Variants in GHDC observed in about 807,000 individuals in gnomAD.
The protein encoded by GHDC is GH3 domain-containing protein.
Under a neutral mutation model 51.5 loss-of-function variants are expected in GHDC, and 39 were observed. The observed-to-expected ratio is 0.76, with a 90% confidence interval of 0.59 to 0.99. The LOEUF (loss-of-function observed/expected upper bound fraction) is 0.99, where lower values mean the gene tolerates loss of function less well. GHDC is among the 50% of genes least tolerant of loss of function. The probability of loss-of-function intolerance (pLI) is 0.00; values close to 1 mark genes in which losing one functional copy is unlikely to be tolerated. For synonymous variants in GHDC, 282 were observed against 305.2 expected (o/e 0.92, Z 0.79); for missense variants, 610 against 672.8 (o/e 0.91, Z 1.03).
At position 42,193,827 on chromosome 17, in the gene GHDC, C is replaced by T; in HGVS notation, c.-74G>A. Reference sequence around the variant, plus strand: ...GTAGGGCCCTGAGCAATTTAGTGGGCTGCACTGAGCTCTGTTTCCTGATCT... The same window carrying T: ...GTAGGGCCCTGAGCAATTTAGTGGGTTGCACTGAGCTCTGTTTCCTGATCT... On this transcript the variant is annotated 5_prime_UTR_variant, in exon 2 of 10. Coordinates refer to ENST00000587427, the MANE Select transcript of GHDC (RefSeq NM_032484.5). The T allele has an allele frequency of 1.8e-6, 1 of 543,744 alleles. No homozygotes were observed. The highest frequency in any genetic ancestry group is 3.2e-6 in the Non-Finnish European group (1 of 309,060). 33.7% of individuals were successfully genotyped at this position (543,744 alleles called of 1,614,324 possible). A position where few individuals can be genotyped will look rare whatever the true frequency, so the allele number is the denominator to read the frequency against.
At position 42,189,865 on chromosome 17, in the gene GHDC, G is replaced by GA. The variant is rs2079954363; in HGVS notation, c.1430_1431insT (p.Ser478GlnfsTer96). 6.4e-7 allele frequency: 1 copy of GA among 1,561,912 alleles called. No homozygotes were observed. Among genetic ancestry groups the GA allele is most frequent in the Non-Finnish European group, 8.7e-7 (1 of 1,154,154 alleles). ...GGTGGACTCTGGCAGGGCCCACGCT[G>GA]CCCCAGAACCGCAGGGACTTGTAGC... On this transcript the variant is annotated frameshift_variant, in exon 10 of 10. Coordinates refer to ENST00000587427, the MANE Select transcript of GHDC (RefSeq NM_032484.5). LOFTEE classifies it high-confidence loss of function.
rs2079965001 is a variant in GHDC at position 42,191,063 on chromosome 17, C to T, written c.1037G>A (p.Gly346Asp). Residue 346 changes from glycine (G) to aspartate (D), a missense_variant, in exon 6 of 10, where the codon GGC (glycine) becomes GAC (aspartate). Transcript: ENST00000587427. Reference protein sequence around the residue: ...STLLLAEAQQGKEYELVLTDR... With the variant: ...STLLLAEAQQDKEYELVLTDR... ...CGTCAGCACCAGCTCATACTCCTTG[C>T]CCTGCTGGGCCTCGGCCAAAAGGAG... 2 of 1,583,246 alleles carry T rather than the reference C, an allele frequency of 1.3e-6. No individual in the cohort carries two copies. The highest frequency in any genetic ancestry group is 1.7e-6 in the Non-Finnish European group (2 of 1,166,016).
In GHDC at chr17:42,193,353, C is replaced by T. The variant is rs1383134055; in HGVS notation, c.229G>A (p.Ala77Thr). ...QQALRWCLQG[A>T]QRPHCSLRRS... is the part of the protein sequence containing the mutation. ...CTGAGGGAACAGTGGGGGCGCTGGG[C>T]TCCCTGTAGACACCACCTCAGGGCC... The change falls in exon 3 of 10, where the codon GCC becomes ACC. Residue 77 changes from alanine (A) to threonine (T), a missense_variant. Transcript: ENST00000587427. The T allele has an allele frequency of 1.2e-6, 2 of 1,606,594 alleles. No homozygotes were observed. The highest frequency in any genetic ancestry group is 2.2e-5 in the South Asian group (2 of 89,404).
chr17:42,193,642 A>G (rs1231099344), intron 2 of GHDC, 48 bp from the exon 3 acceptor site: 18 of 1,483,472 alleles, frequency 1.2e-5, no homozygotes, highest in Non-Finnish European at 1.3e-5. Flanking sequence ...GCAATTATCC[A>G]TTTCTCCTCC....
intron 8 of GHDC, 61 bp downstream of exon 8, chr17:42,190,563 G>A: frequency 6.4e-7 from 1 of 1,560,498 alleles, no homozygotes; most frequent in Non-Finnish European, 8.7e-7. Flanking sequence ...CCCCTGGCAG[G>A]GGAGGTAGGA....
chr17:42,192,122 T>C (rs946055685), intron 5 of GHDC, 119 bp downstream of exon 5: 25 of 1,311,102 alleles, frequency 1.9e-5, no homozygotes, highest in Non-Finnish European at 2.4e-5. Flanking sequence ...CTGCTGGCCC[T>C]AGCATGCAGC....
rs1015023785 is a variant in GHDC at position 42,194,383 on chromosome 17, C to T, written c.-98+10G>A. On this transcript the variant is annotated intron_variant, in intron 1 of 9. Transcript: ENST00000587427. ...GAGCCCCAGGCTGTGGGGTCCATGC[C>T]CACATGCACCTGTCACAGCCCACTT... The T allele has an allele frequency of 1.3e-5, 2 of 152,374 alleles. No individual in the cohort carries two copies. Among genetic ancestry groups the T allele is most frequent in the African/African-American group, 4.8e-5 (2 of 41,398 alleles). 9.4% of individuals were successfully genotyped at this position (152,374 alleles called of 1,614,324 possible).
At chr17:42,191,271 A>G in intron 5 of GHDC, 61 bp from the exon 6 acceptor site, 1 of 1,432,662 alleles carries the variant, frequency 7.0e-7, no homozygotes, top group Non-Finnish European at 9.2e-7. Context: ...GCCAGGCAAT[A>G]GCCCCTCCTG....
chr17:42,190,419 C>T (rs2079959052), intron 8 of GHDC, 149 bp from the exon 9 acceptor site: 5 of 1,518,800 alleles, frequency 3.3e-6, no homozygotes, highest in Non-Finnish European at 3.5e-6. Context: ...GGAGAGGAAC[C>T]TAGAGCTTGA....
chr17:42,192,545 C>G lies in GHDC; in HGVS notation c.585G>C (p.Leu195=). 1 of 1,613,814 alleles carries G rather than the reference C, an allele frequency of 6.2e-7. No individual in the cohort carries two copies. Among genetic ancestry groups the G allele is most frequent in the East Asian group, 2.2e-5 (1 of 44,884 alleles). The change falls in exon 5 of 10, where the codon CTG becomes CTC. Residue 195 remains leucine (L), a synonymous_variant. Coordinates refer to ENST00000587427, the MANE Select transcript of GHDC (RefSeq NM_032484.5). ...LLLDALRSPG[L]RALEAGTAVE... is the part of the protein sequence containing the mutation. Reference sequence around the variant, plus strand: ...CAGCCGTCCCAGCCTCCAGTGCCCTCAGCCCTGGGGACCTCAGTGCGTCCA... The same window carrying G: ...CAGCCGTCCCAGCCTCCAGTGCCCTGAGCCCTGGGGACCTCAGTGCGTCCA...
Position 42,191,255 on chromosome 17 carries a change from C to T in GHDC, c.890-45G>A, listed in dbSNP as rs772576954. ...TCCTCAGCGTCTGCTGGTGCCATCG[C>T]TTTCTGCCAGGCAATAGCCCCTCCT... On this transcript the variant is annotated intron_variant, in intron 5 of 9. Transcript: ENST00000587427. 7.5e-6 allele frequency: 11 copies of T among 1,458,532 alleles called. No individual in the cohort carries two copies. In the South Asian group the frequency reaches 1.6e-4, roughly 22 times the overall value. 90.3% of individuals were successfully genotyped at this position (1,458,532 alleles called of 1,614,324 possible). A position where few individuals can be genotyped will look rare whatever the true frequency, so the allele number is the denominator to read the frequency against.
intron 3 of GHDC, 31 bp downstream of exon 3, chr17:42,193,286 G>A: frequency 6.4e-6 from 10 of 1,550,428 alleles, no homozygotes; most frequent in Non-Finnish European, 7.8e-6. Context: ...CTTTCTCTTT[G>A]GGTCACCTCC....
Position 42,190,235 on chromosome 17 carries a change from A to G in GHDC, c.1324T>C (p.Phe442Leu). The change falls in exon 9 of 10, where the codon TTT becomes CTT. Residue 442 changes from phenylalanine to leucine, a missense_variant. Coordinates refer to ENST00000587427, the MANE Select transcript of GHDC (RefSeq NM_032484.5). Reference protein sequence around the residue: ...SAGSAPHYEVFVALRGLRNLS... With the variant: ...SAGSAPHYEVLVALRGLRNLS... ...TTCCTCAGCCCCCTCAGCGCCACAA[A>G]CACCTCGTAGTGGGGAGCAGAGCCC... The G allele has an allele frequency of 1.9e-6, 3 of 1,613,986 alleles. No homozygotes were observed. The highest frequency in any genetic ancestry group is 2.5e-6 in the Non-Finnish European group (3 of 1,179,986).
rs919506860 is a variant in GHDC, at chr17:42,190,090, C to T, written c.1374+95G>A. ...GCCCCAGGGAGCTTCTCCTCCGCCA[C>T]CCCTCTCCTTCCCATCAGCCCTGAT... On this transcript the variant is annotated intron_variant, in intron 9 of 9. Transcript: ENST00000587427. The T allele has an allele frequency of 6.1e-6, 9 of 1,476,548 alleles. No homozygotes were observed. The Admixed American group carries it at 1.0e-4, about 17-fold the overall frequency. The allele number at this position is 1,476,548 out of a possible 1,614,324, so 91.5% of individuals were successfully genotyped here. A position where few individuals can be genotyped will look rare whatever the true frequency, so the allele number is the denominator to read the frequency against.
intron 8 of GHDC, 48 bp from the exon 9 acceptor site, chr17:42,190,318 T>A (rs765361892): frequency 6.2e-7 from 1 of 1,614,144 alleles, no homozygotes; most frequent in Non-Finnish European, 8.5e-7. Context: ...AATGGGCAGC[T>A]GCCAAGTCTA....
At position 42,190,919 on chromosome 17, in the gene GHDC, TG is replaced by T; in HGVS notation, c.1083-17del. ...CAGGCGGCACCTGATGGGGTGCAAG[TG>T]GGAGTGAGGTCGGGCCCAAGGTCTT... is the stretch of plus-strand genomic sequence containing the variant. On this transcript the variant is annotated splice_polypyrimidine_tract_variant and intron_variant, in intron 6 of 9. Coordinates refer to ENST00000587427, the MANE Select transcript of GHDC (RefSeq NM_032484.5). The T allele has an allele frequency of 6.2e-7, 1 of 1,602,148 alleles. No individual in the cohort carries two copies. Among genetic ancestry groups the T allele is most frequent in the Non-Finnish European group, 8.5e-7 (1 of 1,175,354 alleles).
chr17:42,191,277 T>G (rs1346507988), intron 5 of GHDC, 67 bp from the exon 6 acceptor site: 4 of 1,411,688 alleles, frequency 2.8e-6, no homozygotes, highest in Non-Finnish European at 3.7e-6. Flanking sequence ...CAATAGCCCC[T>G]CCTGGATCCC....
In GHDC at chr17:42,192,469, C is replaced by G; in HGVS notation, c.661G>C (p.Ala221Pro). The change falls in exon 5 of 10, where the codon GCT (alanine) becomes CCT (proline). Residue 221 changes from alanine (A) to proline (P), a missense_variant. Ala to Pro is a conservative substitution (Grantham distance 27). Coordinates refer to ENST00000587427, the MANE Select transcript of GHDC (RefSeq NM_032484.5). ...GGGTTCCCGGCAGCTATCGCCCCAG[C>G]TAGCTCTTCACCATCAGTCTCCAGG... is the stretch of plus-strand genomic sequence containing the variant. ...LGLETDGEELAGAIAAGNPGA... is the reference protein window; with the variant it reads ...LGLETDGEELPGAIAAGNPGA... The G allele has an allele frequency of 6.2e-7, 1 of 1,613,728 alleles. No homozygotes were observed. Among genetic ancestry groups the G allele is most frequent in the African/African-American group, 1.3e-5 (1 of 75,062 alleles).
rs1339368845 is a variant in GHDC, at chr17:42,192,749, G to A, written c.388-7C>T. ...CCAGACCCAGCAAGGTGGCCTGGAG[G>A]AGGAAAGAGAGAATGTTGGTCTGGT... On this transcript the variant is annotated splice_polypyrimidine_tract_variant and splice_region_variant and intron_variant, in intron 4 of 9. Transcript: ENST00000587427. 1.3e-6 allele frequency: 2 copies of A among 1,531,590 alleles called. No individual in the cohort carries two copies. The highest frequency in any genetic ancestry group is 2.3e-5 in the East Asian group (1 of 44,266). 94.9% of individuals were successfully genotyped at this position (1,531,590 alleles called of 1,614,324 possible). A position where few individuals can be genotyped will look rare whatever the true frequency, so the allele number is the denominator to read the frequency against.
Sources: gnomAD v4.1 joint callset for allele counts on GRCh38, gnomAD v4.1.1 for gene constraint, MANE v1.5 for transcripts, NCBI Gene and HGNC (gene_info 2026-07-23, HGNC 2026-07-21) for gene names.